NAV2: variants seen among roughly 807,000 people sequenced by gnomAD.
NAV2 encodes the protein neuron navigator 2.
NAV2 carries 54 observed loss-of-function variants against 223.2 expected under a neutral mutation model. That is an observed-to-expected ratio of 0.24 (90% CI 0.19 to 0.30). NAV2 has a LOEUF of 0.30. Ranked by LOEUF, NAV2 falls within the 10% of genes least tolerant of loss-of-function variation. The probability of loss-of-function intolerance (pLI) is 1.00; values close to 1 mark genes in which losing one functional copy is unlikely to be tolerated. For synonymous variants in NAV2, 1,279 were observed against 1,239.3 expected (o/e 1.03, Z -0.67); for missense variants, 2,806 against 3,147.5 (o/e 0.89, Z 2.60).
intron 1 of NAV2, among the ~76,000 whole-genome samples, chr11:19,474,117 T>C (rs189199939): frequency 1.3e-5 from 2 of 152,290 alleles, no homozygotes; most frequent in Admixed American, 1.3e-4. Flanking sequence ...GAACCCAAAC[T>C]AAGAAATTGG....
intron 10 of NAV2, among the ~76,000 whole-genome samples, chr11:19,976,507 G>A (rs1432151619): frequency 6.6e-6 from 1 of 152,162 alleles, no homozygotes; most frequent in South Asian, 2.1e-4. Context: ...TTTAACTCAG[G>A]CCCACCTTTT....
intron 3 of NAV2, among the ~76,000 whole-genome samples, chr11:19,855,850 C>T (rs2061384401): frequency 6.6e-6 from 1 of 152,206 alleles, no homozygotes; most frequent in African/African-American, 2.4e-5. Flanking sequence ...ATTGCATAAC[C>T]AGTCTTGTGA....
At chr11:19,568,794 C>T (rs2045344582) in intron 1 of NAV2, among the ~76,000 whole-genome samples, 2 of 152,296 alleles carry the variant, frequency 1.3e-5, no homozygotes, top group South Asian at 4.1e-4. Context: ...TTCACGTTGG[C>T]CACACTCTGA....
intron 1 of NAV2, among the ~76,000 whole-genome samples, chr11:19,803,531 C>G (rs1234719932): frequency 6.6e-6 from 1 of 152,232 alleles, no homozygotes; most frequent in Non-Finnish European, 1.5e-5. Flanking sequence ...TGTAGAGTGT[C>G]AGTGTCTTCA....
At chr11:19,443,883 C>T (rs957132102) in intron 1 of NAV2, among the ~76,000 whole-genome samples, 4 of 152,082 alleles carry the variant, frequency 2.6e-5, no homozygotes, top group South Asian at 2.1e-4. Flanking sequence ...AGTATAGATG[C>T]GTAGTGAGTG....
At chr11:19,691,527 C>T (rs958855782) in intron 1 of NAV2, among the ~76,000 whole-genome samples, 1 of 152,100 alleles carries the variant, frequency 6.6e-6, no homozygotes, top group African/African-American at 2.4e-5. Context: ...GGGTCTCAGC[C>T]CCACTTCCTG....
rs796181723 is a variant in NAV2 at position 19,397,418 on chromosome 11, T to C, written c.75+46391T>C. On this transcript the variant is annotated intron_variant, in intron 1 of 37. Transcript: ENST00000360655. ...GGGAGTGTGTGTGTGTGTGTGTGTGTGCGCGCATGTGTGTGTAGGGAATAC... is the reference window on the plus strand; with the variant it reads ...GGGAGTGTGTGTGTGTGTGTGTGTGCGCGCGCATGTGTGTGTAGGGAATAC... Among the ~76,000 whole-genome samples, 251 of 145,348 alleles carry C rather than the reference T, an allele frequency of 1.7e-3. 1 individual carries two copies. Among genetic ancestry groups the C allele is most frequent in the African/African-American group, 5.8e-3 (224 of 38,636 alleles).
chr11:19,811,484 G>T (rs76890485), intron 1 of NAV2, among the ~76,000 whole-genome samples: 1 of 152,244 alleles, frequency 6.6e-6, no homozygotes, highest in East Asian at 1.9e-4. Context: ...GGCTTCTATG[G>T]GTGGAAAAGA....
At chr11:20,040,036 T>C (rs1056830526) in intron 12 of NAV2, among the ~76,000 whole-genome samples, 2 of 152,168 alleles carry the variant, frequency 1.3e-5, no homozygotes, top group Admixed American at 1.3e-4. Context: ...ATGTGGATAA[T>C]AACACAGCCT....
At position 19,879,939 on chromosome 11, in the gene NAV2, G is replaced by A. The variant is rs376881740; in HGVS notation, c.582G>A (p.Gln194=). 1.2e-6 allele frequency: 2 copies of A among 1,613,438 alleles called. No individual in the cohort carries two copies. The highest frequency in any genetic ancestry group is 8.5e-7 in the Non-Finnish European group (1 of 1,180,022). ...FFSLSRYKQQ[Q]QQPQKQHLSS... is the part of the protein sequence containing the mutation. ...GCCTCTCCCGATACAAGCAGCAGCA[G>A]CAGCAGCCCCAGAAGCAGCACCTCT... Residue 194 remains glutamine (Q), a synonymous_variant, in exon 5 of 38, where the codon CAG becomes CAA. Coordinates refer to ENST00000349880, the MANE Select transcript of NAV2 (RefSeq NM_145117.5).
chr11:19,957,748 G>A (rs1455948369), intron 10 of NAV2, among the ~76,000 whole-genome samples: 3 of 152,182 alleles, frequency 2.0e-5, no homozygotes, highest in African/African-American at 7.2e-5. Context: ...TGCTGGTGAC[G>A]ACAGACTTAG....
chr11:19,692,195 G>A (rs564047712), intron 1 of NAV2, among the ~76,000 whole-genome samples: 2 of 152,346 alleles, frequency 1.3e-5, no homozygotes, highest in South Asian at 4.1e-4. Flanking sequence ...CACTGGCTGA[G>A]GGCCTCACCA....
intron 31 of NAV2, among the ~76,000 whole-genome samples, chr11:20,099,850 A>G (rs1241120044): frequency 6.6e-6 from 1 of 152,012 alleles, no homozygotes; most frequent in Non-Finnish European, 1.5e-5. Context: ...TATTATTATT[A>G]TTAAATTTAG....
intron 1 of NAV2, among the ~76,000 whole-genome samples, chr11:19,484,517 T>A (rs2042380993): frequency 6.6e-6 from 1 of 152,232 alleles, no homozygotes; most frequent in African/African-American, 2.4e-5. Context: ...CTGAGAGGCC[T>A]TTGCCTAGAC....
intron 10 of NAV2, among the ~76,000 whole-genome samples, chr11:19,951,187 G>A (rs1190582446): frequency 1.3e-5 from 2 of 152,180 alleles, no homozygotes; most frequent in African/African-American, 4.8e-5. Context: ...TTCTATGGCT[G>A]GCCTCAGGGG....
intron 1 of NAV2, among the ~76,000 whole-genome samples, chr11:19,684,680 G>A (rs1351497196): frequency 6.6e-6 from 1 of 152,146 alleles, no homozygotes; most frequent in Non-Finnish European, 1.5e-5. Flanking sequence ...CAAGCCCAGT[G>A]CCAACCCCAC....
chr11:19,977,466 G>C (rs532707854), intron 10 of NAV2, among the ~76,000 whole-genome samples: 6 of 152,264 alleles, frequency 3.9e-5, no homozygotes, highest in African/African-American at 1.4e-4. Flanking sequence ...ACCTTTATTT[G>C]ATTCTAAAAT....
At chr11:19,523,611 G>A (rs985404428) in intron 1 of NAV2, among the ~76,000 whole-genome samples, 18 of 152,072 alleles carry the variant, frequency 1.2e-4, no homozygotes, top group Admixed American at 3.3e-4. Flanking sequence ...TTCTTCTTCC[G>A]AGCCACTCTT....
chr11:19,832,669 G>A (rs2060009564), intron 2 of NAV2, 68 bp downstream of exon 2: 42 of 1,210,078 alleles, frequency 3.5e-5, no homozygotes, highest in South Asian at 3.1e-4. Flanking sequence ...CGGGGTGAGG[G>A]GAACAGAGCA....
Sources: gnomAD v4.1 joint callset for allele counts (sites outside exome capture counted in the v4.1 genomes callset) on GRCh38, gnomAD v4.1.1 for gene constraint, MANE v1.5 for transcripts, NCBI Gene and HGNC (gene_info 2026-07-23, HGNC 2026-07-21) for gene names.